The following NUBPL variants were observed in gnomAD, a reference collection of about 807,000 sequenced individuals.
The protein encoded by NUBPL is iron-sulfur cluster transfer protein NUBPL.
A neutral mutation model predicts 45.7 loss-of-function variants in NUBPL; 31 were observed. That is an observed-to-expected ratio of 0.68 (90% CI 0.51 to 0.92). The LOEUF is 0.92. Among genes scored for constraint, NUBPL ranks in the 40% least tolerant of loss-of-function variants. The probability of loss-of-function intolerance (pLI) is 0.00; values close to 1 mark genes in which losing one functional copy is unlikely to be tolerated. For synonymous variants in NUBPL, 144 were observed against 140.9 expected, an observed-to-expected ratio of 1.02 and a Z score of -0.15; for missense variants, 401 against 398.7, an observed-to-expected ratio of 1.01 and a Z score of -0.05.
intron 7 of NUBPL, among the ~76,000 whole-genome samples, chr14:31,791,532 A>G (rs751288764): frequency 2.6e-5 from 4 of 152,160 alleles, no homozygotes; most frequent in Non-Finnish European, 5.9e-5. Context: ...GTATACAGAA[A>G]CACTAATTTT....
chr14:31,799,266 G>A (rs771037923), intron 7 of NUBPL, among the ~76,000 whole-genome samples: 2 of 151,808 alleles, frequency 1.3e-5, no homozygotes, highest in Non-Finnish European at 2.9e-5. Context: ...TAGTGTACAT[G>A]TAGTTTCTAG....
chr14:31,658,966 G>A (rs2036206615), intron 4 of NUBPL, among the ~76,000 whole-genome samples: 1 of 152,116 alleles, frequency 6.6e-6, no homozygotes, highest in African/African-American at 2.4e-5. Context: ...TAATCATAGA[G>A]GATAACATTT....
At chr14:31,677,056 G>A (rs140128328) in intron 6 of NUBPL, among the ~76,000 whole-genome samples, 2 of 151,516 alleles carry the variant, frequency 1.3e-5, no homozygotes, top group Non-Finnish European at 2.9e-5. Flanking sequence ...AATTTTATGG[G>A]TATATAGTAG....
At chr14:31,804,453 G>A (rs975150508) in intron 7 of NUBPL, among the ~76,000 whole-genome samples, 2 of 152,146 alleles carry the variant, frequency 1.3e-5, no homozygotes, top group Non-Finnish European at 2.9e-5. Context: ...AGAATCACTT[G>A]TCTAGACCAA....
intron 4 of NUBPL, among the ~76,000 whole-genome samples, chr14:31,617,394 A>G (rs938128731): frequency 2.0e-5 from 3 of 152,188 alleles, no homozygotes; most frequent in Non-Finnish European, 4.4e-5. Context: ...CCCATTCAGT[A>G]TGATATTGGC....
chr14:31,633,376 A>G (rs917989626), intron 4 of NUBPL, among the ~76,000 whole-genome samples: 1 of 152,232 alleles, frequency 6.6e-6, no homozygotes, highest in African/African-American at 2.4e-5. Flanking sequence ...AACATATTTG[A>G]GCATTTTAAT....
intron 10 of NUBPL, among the ~76,000 whole-genome samples, chr14:31,857,573 C>T (rs1280593995): frequency 6.6e-6 from 1 of 152,188 alleles, no homozygotes; most frequent in Non-Finnish European, 1.5e-5. Flanking sequence ...AAACTGAATA[C>T]CTTTAACCTC....
intron 4 of NUBPL, among the ~76,000 whole-genome samples, chr14:31,672,742 C>T (rs912033160): frequency 2.0e-5 from 3 of 152,094 alleles, no homozygotes; most frequent in African/African-American, 7.2e-5. Flanking sequence ...GGTATTGAGG[C>T]TGTTTTTTAG....
intron 6 of NUBPL, among the ~76,000 whole-genome samples, chr14:31,745,194 C>T (rs1360250809): frequency 2.6e-5 from 4 of 152,058 alleles, no homozygotes; most frequent in Non-Finnish European, 5.9e-5. Context: ...AATGCTATCC[C>T]TCCCCGCTCT....
At chr14:31,638,072 C>A (rs1033726937) in intron 4 of NUBPL, among the ~76,000 whole-genome samples, 28 of 152,074 alleles carry the variant, frequency 1.8e-4, no homozygotes, top group Middle Eastern at 3.2e-3. Context: ...TTAATTGGAG[C>A]ATTTAGGCCA....
chr14:31,561,559 T>C lies in NUBPL; in HGVS notation c.108+12T>C. On this transcript the variant is annotated intron_variant, in intron 1 of 10. Transcript: ENST00000281081. The stretch of plus-strand genomic sequence containing the variant: ...TTTGTGGGCGCCAGGTCCGTGGTGC[T>C]GCAGGGCAGGGGGAAGCGGGCTGAC... 1 of 1,370,146 alleles carries C rather than the reference T, an allele frequency of 7.3e-7. No individual in the cohort carries two copies. The highest frequency in any genetic ancestry group is 2.7e-5 in the East Asian group (1 of 36,478). The allele number at this position is 1,370,146 out of a possible 1,614,324, so 84.9% of individuals were successfully genotyped here. A position where few individuals can be genotyped will look rare whatever the true frequency, so the allele number is the denominator to read the frequency against.
chr14:31,821,424 A>C (rs746293305), intron 7 of NUBPL, among the ~76,000 whole-genome samples: 3 of 152,238 alleles, frequency 2.0e-5, no homozygotes, highest in Non-Finnish European at 2.9e-5. Flanking sequence ...TGGCAAACAG[A>C]CATATGAAAA....
At chr14:31,645,727 A>C (rs1436900447) in intron 4 of NUBPL, among the ~76,000 whole-genome samples, 3 of 152,082 alleles carry the variant, frequency 2.0e-5, no homozygotes, top group East Asian at 3.9e-4. Flanking sequence ...GATCACAAAG[A>C]AATAATAGAA....
chr14:31,706,130 G>C (rs979656055), intron 6 of NUBPL, among the ~76,000 whole-genome samples: 7 of 150,886 alleles, frequency 4.6e-5, no homozygotes, highest in Admixed American at 4.0e-4. Context: ...AGCAAGGGCT[G>C]CTAGCACATT....
chr14:31,822,743 T>A (rs1025934636), intron 7 of NUBPL, among the ~76,000 whole-genome samples: 6 of 152,262 alleles, frequency 3.9e-5, no homozygotes, highest in Middle Eastern at 3.4e-3. Context: ...TAAATATAGT[T>A]CCATGAAATG....
chr14:31,667,508 C>G (rs1159347699), intron 4 of NUBPL, among the ~76,000 whole-genome samples: 6 of 151,904 alleles, frequency 3.9e-5, no homozygotes, highest in Admixed American at 2.0e-4. Flanking sequence ...GCTCCTTTAG[C>G]TCAAAGGAGT....
intron 6 of NUBPL, among the ~76,000 whole-genome samples, chr14:31,766,493 T>C (rs1296417915): frequency 1.3e-5 from 2 of 152,288 alleles, no homozygotes; most frequent in African/African-American, 2.4e-5. Flanking sequence ...TGTACTTTGC[T>C]CCAAAGAAAT....
intron 6 of NUBPL, among the ~76,000 whole-genome samples, chr14:31,768,808 G>T (rs1438513183): frequency 6.6e-6 from 1 of 152,150 alleles, no homozygotes; most frequent in Non-Finnish European, 1.5e-5. Context: ...GTTCATCCTG[G>T]TACCAAGCAT....
At chr14:31,692,784 T>C (rs1254089249) in intron 6 of NUBPL, among the ~76,000 whole-genome samples, 1 of 152,212 alleles carries the variant, frequency 6.6e-6, no homozygotes, top group Non-Finnish European at 1.5e-5. Flanking sequence ...CTCTGCTTAA[T>C]CCTGTATAAA....
Sources: gnomAD v4.1 joint callset for allele counts (sites outside exome capture counted in the v4.1 genomes callset) on GRCh38, gnomAD v4.1.1 for gene constraint, MANE v1.5 for transcripts, NCBI Gene and HGNC (gene_info 2026-07-23, HGNC 2026-07-21) for gene names.